NAALADL2: variants seen among roughly 807,000 people sequenced by gnomAD.
The protein encoded by NAALADL2 is inactive N-acetylated-alpha-linked acidic dipeptidase-like protein 2.
A neutral mutation model predicts 87.2 loss-of-function variants in NAALADL2; 76 were observed. The ratio of observed to expected loss-of-function variants is 0.87; its 90% CI spans 0.72 to 1.05. The LOEUF (loss-of-function observed/expected upper bound fraction) is 1.05, where lower values mean the gene tolerates loss of function less well. Among genes scored for constraint, NAALADL2 ranks in the 50% least tolerant of loss-of-function variants. The pLI, the probability that NAALADL2 is intolerant of heterozygous loss-of-function variation, is 0.00. For missense variants in NAALADL2, 1,089 were observed against 945.8 expected (o/e 1.15, Z -1.99); for synonymous variants, 354 against 331.0 (o/e 1.07, Z -0.75).
rs116801941 is a variant in NAALADL2, at chr3:174,957,144, C to T, written c.43+97694C>T. The stretch of plus-strand genomic sequence containing the variant: ...AGAACTGATAACAAAAGGCGACAAG[C>T]ATCTTTTCCTCATTCTAAGCATCTG... On this transcript the variant is annotated intron_variant, in intron 1 of 13. Coordinates refer to ENST00000454872, the MANE Select transcript of NAALADL2 (RefSeq NM_207015.3). Among the ~76,000 whole-genome samples, 722 of 152,056 alleles carry T rather than the reference C, an allele frequency of 4.7e-3. 4 individuals are homozygous for T. The highest frequency in any genetic ancestry group is 0.016 in the African/African-American group (683 of 41,526).
At chr3:174,876,611 C>T (rs1289970705) in intron 1 of NAALADL2, among the ~76,000 whole-genome samples, 1 of 152,064 alleles carries the variant, frequency 6.6e-6, no homozygotes, top group Non-Finnish European at 1.5e-5. Context: ...ACTATTCCAC[C>T]CTCCTCTTTA....
At chr3:175,703,569 C>A (rs1448208968) in intron 11 of NAALADL2, among the ~76,000 whole-genome samples, 1 of 151,948 alleles carries the variant, frequency 6.6e-6, no homozygotes, top group African/African-American at 2.4e-5. Flanking sequence ...ATGGTGAAAC[C>A]CCATCTCTAC....
chr3:175,523,793 G>C (rs1733009294), intron 9 of NAALADL2, among the ~76,000 whole-genome samples: 1 of 152,188 alleles, frequency 6.6e-6, no homozygotes, highest in African/African-American at 2.4e-5. Flanking sequence ...GGTTATGACA[G>C]AGCAGGTAAT....
At chr3:174,845,654 A>G (rs1231351631) in intron 3 of NAALADL2, among the ~76,000 whole-genome samples, 1 of 152,158 alleles carries the variant, frequency 6.6e-6, no homozygotes, top group Non-Finnish European at 1.5e-5. Context: ...TTGATGGGGC[A>G]AGGCCTCCTT....
At chr3:175,579,852 C>T (rs1719492946) in intron 10 of NAALADL2, among the ~76,000 whole-genome samples, 1 of 150,184 alleles carries the variant, frequency 6.7e-6, no homozygotes, top group African/African-American at 2.4e-5. Flanking sequence ...TTATTCTCTA[C>T]AGGGCATGCC....
At chr3:175,478,323 G>T (rs2149312073) in intron 9 of NAALADL2, among the ~76,000 whole-genome samples, 1 of 152,002 alleles carries the variant, frequency 6.6e-6, no homozygotes, top group Non-Finnish European at 1.5e-5. Flanking sequence ...CTTCGATAAA[G>T]ATTCACATTT....
intron 1 of NAALADL2, among the ~76,000 whole-genome samples, chr3:174,884,539 G>A (rs1300766171): frequency 6.6e-6 from 1 of 152,080 alleles, no homozygotes; most frequent in East Asian, 1.9e-4. Flanking sequence ...CATGATCGTG[G>A]ATAAGACATT....
Position 174,768,951 on chromosome 3 carries a change from C to A in NAALADL2, c.-9+31205C>A, listed in dbSNP as rs1001011468. 2.0e-5 allele frequency among the ~76,000 whole-genome samples: 3 copies of A among 151,798 alleles called. No homozygotes were observed. In the East Asian group the frequency reaches 5.8e-4, roughly 29 times the overall value. ...AGTTAATATAGTATGCCTTTAATTT[C>A]ATTAACTTATCGCTATGGGTTGCTT... On this transcript the variant is annotated intron_variant, in intron 3 of 3. Coordinates refer to the NAALADL2 transcript ENST00000434257.
chr3:175,732,842 A>T (rs1169222711), intron 11 of NAALADL2, among the ~76,000 whole-genome samples: 1 of 140,682 alleles, frequency 7.1e-6, no homozygotes, highest in Non-Finnish European at 1.5e-5. Flanking sequence ...GTTATCAAAA[A>T]TGGTTTTTCA....
chr3:174,845,145 G>C (rs142914679), intron 3 of NAALADL2, among the ~76,000 whole-genome samples: 58 of 152,332 alleles, frequency 3.8e-4, no homozygotes, highest in African/African-American at 1.3e-3. Context: ...TAAGCACTGG[G>C]TTAATAAACC....
intron 13 of NAALADL2, among the ~76,000 whole-genome samples, chr3:175,765,306 G>T (rs1237457363): frequency 6.6e-6 from 1 of 151,888 alleles, no homozygotes; most frequent in Non-Finnish European, 1.5e-5. Flanking sequence ...TTATAATTAT[G>T]TGTCCCTTTA....
chr3:175,107,112 T>C (rs751862847), intron 2 of NAALADL2, among the ~76,000 whole-genome samples: 1 of 152,038 alleles, frequency 6.6e-6, no homozygotes, highest in Non-Finnish European at 1.5e-5. Flanking sequence ...TGTAGATGCT[T>C]GTATAACCAG....
intron 2 of NAALADL2, among the ~76,000 whole-genome samples, chr3:175,154,370 C>T (rs1211418810): frequency 1.3e-5 from 2 of 152,122 alleles, no homozygotes; most frequent in African/African-American, 4.8e-5. Context: ...CTTATAGAGA[C>T]AACACACTGT....
chr3:174,927,515 A>G (rs1736247701), intron 1 of NAALADL2, among the ~76,000 whole-genome samples: 1 of 152,238 alleles, frequency 6.6e-6, no homozygotes, highest in African/African-American at 2.4e-5. Context: ...TGTCTCTCAC[A>G]TCACAGCACA....
At chr3:175,142,607 CTT>C (rs111597871) in intron 2 of NAALADL2, among the ~76,000 whole-genome samples, 1 of 150,964 alleles carries the variant, frequency 6.6e-6, no homozygotes, top group African/African-American at 2.4e-5. Context: ...TATTACTGCA[CTT>C]TTTTTTTTAA....
At chr3:174,939,477 T>A (rs1255713955) in intron 1 of NAALADL2, among the ~76,000 whole-genome samples, 1 of 152,126 alleles carries the variant, frequency 6.6e-6, no homozygotes, top group Non-Finnish European at 1.5e-5. Flanking sequence ...TAACATTACC[T>A]TGGCATTTGG....
chr3:174,906,864 A>C (rs994490254), intron 1 of NAALADL2, among the ~76,000 whole-genome samples: 4 of 152,104 alleles, frequency 2.6e-5, no homozygotes, highest in African/African-American at 9.7e-5. Context: ...GAGCTTCATT[A>C]ATCACCTCAC....
intron 5 of NAALADL2, among the ~76,000 whole-genome samples, chr3:175,414,799 CAG>C (rs1714275349): frequency 6.6e-6 from 1 of 151,804 alleles, no homozygotes; most frequent in African/African-American, 2.4e-5. Context: ...AAAGGATCTA[CAG>C]AGTTACAAGA....
intron 2 of NAALADL2, among the ~76,000 whole-genome samples, chr3:174,696,902 G>A (rs1560151827): frequency 6.6e-6 from 1 of 152,042 alleles, no homozygotes; most frequent in Admixed American, 6.5e-5. Context: ...AGCAAGTCTT[G>A]CTTAATTCTG....
Sources: allele counts gnomAD v4.1 joint callset (sites outside exome capture counted in the v4.1 genomes callset), GRCh38; gene constraint gnomAD v4.1.1; transcripts MANE v1.5; gene names NCBI Gene and HGNC (gene_info 2026-07-23, HGNC 2026-07-21).